The following GET1 variants were observed in gnomAD, a reference collection of about 807,000 sequenced individuals.
GET1 encodes guided entry of tail-anchored proteins factor 1, also known as congenital heart disease 5 protein.
Under a neutral mutation model 22.6 loss-of-function variants are expected in GET1, and 20 were observed. The observed-to-expected ratio is 0.89, with a 90% CI of 0.62 to 1.29. GET1 has a LOEUF of 1.29. Ranked by LOEUF, GET1 falls within the 50% of genes most tolerant of loss-of-function variation. The probability of loss-of-function intolerance (pLI) is 0.00; values close to 1 mark genes in which losing one functional copy is unlikely to be tolerated. For missense variants in GET1, 209 were observed against 219.9 expected (o/e 0.95, Z 0.31); for synonymous variants, 92 against 83.8 (o/e 1.10, Z -0.53).
chr21:39,388,286 T>G (rs2038058813), intron 1 of GET1, among the ~76,000 whole-genome samples: 1 of 152,168 alleles, frequency 6.6e-6, no homozygotes, highest in South Asian at 2.1e-4. Context: ...GAGTATCGCT[T>G]GAGCCCAGGA....
rs776703428 is a variant in GET1, at chr21:39,380,465, C to A, written c.81C>A (p.Leu27=). The A allele has an allele frequency of 1.2e-6, 2 of 1,612,888 alleles. No homozygotes were observed. The highest frequency in any genetic ancestry group is 8.5e-7 in the Non-Finnish European group (1 of 1,179,496). ...FVFGCNVLRI[L]LPSFSSFMSR... ...TTGGATGCAATGTTCTTAGGATCCT[C>A]CTCCCGTCCTTCTCATCCTTCGTAA... Residue 27 remains leucine (L), a synonymous_variant, in exon 1 of 5, where the codon CTC becomes CTA. Coordinates refer to ENST00000649170, the MANE Select transcript of GET1 (RefSeq NM_004627.6).
chr21:39,380,419 TGCTG>T lies in GET1; in HGVS notation c.37_40del (p.Leu13CysfsTer36), dbSNP rs2037480493. Reference sequence around the variant, plus strand: ...GCCGCGGCCGACCACTGGGCGTGGTTGCTGGTGCTCAGCTTCGTGTTTGGATGCA... The same window carrying T: ...GCCGCGGCCGACCACTGGGCGTGGTTGTGCTCAGCTTCGTGTTTGGATGCA... On this transcript the variant is annotated frameshift_variant, in exon 1 of 5. Transcript: ENST00000649170. LOFTEE classifies it high-confidence loss of function. 1 of 1,612,530 alleles carries T rather than the reference TGCTG, an allele frequency of 6.2e-7. No individual in the cohort carries two copies. The highest frequency in any genetic ancestry group is 2.2e-5 in the East Asian group (1 of 44,862).
At chr21:39,405,044 G>A (rs2038971129) in intron 4 of GET1, among the ~76,000 whole-genome samples, 2 of 152,058 alleles carry the variant, frequency 1.3e-5, no homozygotes, top group South Asian at 4.2e-4. Flanking sequence ...TGTTGGCCAG[G>A]CTGGTCTCAA....
chr21:39,405,921 TG>T lies in GET1; in HGVS notation c.359del (p.Gly120AlafsTer2). The T allele has an allele frequency of 6.2e-7, 1 of 1,606,872 alleles. No homozygotes were observed. Among genetic ancestry groups the T allele is most frequent in the Non-Finnish European group, 8.5e-7 (1 of 1,174,894 alleles). On this transcript the variant is annotated frameshift_variant, in exon 5 of 5. Transcript: ENST00000415847. LOFTEE classifies it high-confidence loss of function. ...TTCTTTTTCCTTCTGTAGGTGACGA[TG>T]GCTTAATAGAATTTACCACAGTTAC...
downstream of GET1, among the ~76,000 whole-genome samples, chr21:39,400,972 A>T (rs531751418): frequency 6.6e-6 from 1 of 151,346 alleles, no homozygotes; most frequent in Non-Finnish European, 1.5e-5. Flanking sequence ...GTGCAGTGAC[A>T]TGATCATAGC....
chr21:39,423,595 C>T, intron 1 of GET1: 2 of 914,628 alleles, frequency 2.2e-6, no homozygotes, highest in East Asian at 2.6e-5. Context: ...ACACACCACA[C>T]ACATACACAC....
chr21:39,410,919 T>A (rs1569067697), downstream of GET1: 2 of 470,864 alleles, frequency 4.2e-6, no homozygotes, highest in Non-Finnish European at 8.8e-6. Context: ...ATGTAGCTAC[T>A]TCTTCTAATA....
chr21:39,390,191 A>G (rs189040716), intron 1 of GET1, among the ~76,000 whole-genome samples: 2 of 152,178 alleles, frequency 1.3e-5, no homozygotes, highest in East Asian at 3.9e-4. Flanking sequence ...GGCCAAACCC[A>G]TGCTGGAGTC....
intron 1 of GET1, among the ~76,000 whole-genome samples, chr21:39,414,736 C>CTGTGTGTGTGTGTGTGTG (rs1445537335): frequency 1.1e-5 from 1 of 92,208 alleles, no homozygotes; most frequent in African/African-American, 4.6e-5. Flanking sequence ...CTCTCTCTCT[C>CTGTGTGTGTGTGTGTGTG]TCTCTCTGTG....
intron 1 of GET1, among the ~76,000 whole-genome samples, chr21:39,383,155 C>T (rs920166689): frequency 6.6e-6 from 1 of 151,886 alleles, no homozygotes; most frequent in Non-Finnish European, 1.5e-5. Context: ...GAGGTTTCAC[C>T]GAATTAGCCA....
chr21:39,406,151 A>G (rs1314927354), exon 5 of GET1: 2 of 1,614,206 alleles, frequency 1.2e-6, no homozygotes, highest in Admixed American at 3.3e-5. Flanking sequence ...TTTATTCTGG[A>G]AGACTTACCA....
At chr21:39,425,135 G>A (rs2074446710) in intron 1 of GET1, among the ~76,000 whole-genome samples, 1 of 152,218 alleles carries the variant, frequency 6.6e-6, no homozygotes, top group African/African-American at 2.4e-5. Context: ...AGGAGAAATT[G>A]AAACTGGATT....
intron 1 of GET1, chr21:39,380,911 A>G: frequency 1.0e-6 from 1 of 968,348 alleles, no homozygotes; most frequent in Non-Finnish European, 1.2e-6. Flanking sequence ...CCAGGAGCCC[A>G]CATTCTTGGG....
At chr21:39,423,605 C>T in intron 1 of GET1, 1 of 847,234 alleles carries the variant, frequency 1.2e-6, no homozygotes, top group Non-Finnish European at 1.7e-6. Context: ...CACATACACA[C>T]AAGCGTAAGT....
chr21:39,423,214 A>G lies in GET1; in HGVS notation c.*24-5018A>G, dbSNP rs942774548. 3.1e-6 allele frequency: 5 copies of G among 1,612,330 alleles called. No individual in the cohort carries two copies. In the East Asian group the frequency reaches 6.7e-5, roughly 22 times the overall value. ...TTTTACTTCATTCTGATGTTTAGCCATAATTTGAGGTAGATTATTTTGTGA... is the reference window on the plus strand; with the variant it reads ...TTTTACTTCATTCTGATGTTTAGCCGTAATTTGAGGTAGATTATTTTGTGA... On this transcript the variant is annotated intron_variant, in intron 1 of 1. Coordinates refer to the GET1 transcript ENST00000478273.
chr21:39,425,757 C>CA (rs2147831145), intron 1 of GET1: 3 of 152,582 alleles, frequency 2.0e-5, no homozygotes, highest in African/African-American at 7.2e-5. Flanking sequence ...TAATGTCTTC[C>CA]AGCTCTTAGG....
In GET1 at chr21:39,381,097, C is replaced by A. The variant is rs529526002; in HGVS notation, c.102+611C>A. On this transcript the variant is annotated intron_variant, in intron 1 of 4. Coordinates refer to ENST00000649170, the MANE Select transcript of GET1 (RefSeq NM_004627.6). ...TTATCATCCCACCCTCCTTTACCTC[C>A]CGGAGGAGTCTGGCTCAAGAGAATT... 5.3e-5 allele frequency among the ~76,000 whole-genome samples: 8 copies of A among 152,276 alleles called. No individual in the cohort carries two copies. In the East Asian group the frequency reaches 1.3e-3, roughly 26 times the overall value.
At chr21:39,400,913 ATT>A (rs775534107), downstream of GET1, among the ~76,000 whole-genome samples, 18 of 143,366 alleles carry the variant, frequency 1.3e-4, no homozygotes, top group Non-Finnish European at 1.1e-4. Flanking sequence ...CTTTTCCTGT[ATT>A]TTTTTTTTTT....
At chr21:39,396,440 A>G (rs1388644996) in intron 4 of GET1, among the ~76,000 whole-genome samples, 3 of 152,138 alleles carry the variant, frequency 2.0e-5, no homozygotes, top group East Asian at 1.9e-4. Context: ...AGGCAGGACA[A>G]TGGCGTGAAC....
Sources: allele counts gnomAD v4.1 joint callset (sites outside exome capture counted in the v4.1 genomes callset), GRCh38; gene constraint gnomAD v4.1.1; transcripts MANE v1.5; gene names NCBI Gene and HGNC (gene_info 2026-07-23, HGNC 2026-07-21).